FHIT: variants seen among roughly 807,000 people sequenced by gnomAD.
The protein encoded by FHIT is fragile histidine triad diadenosine triphosphatase, also known as bis(5'-adenosyl)-triphosphatase.
In FHIT, 19 loss-of-function variants were observed where a neutral mutation model predicts 17.9. That is an observed-to-expected ratio of 1.06 (90% CI 0.74 to 1.56). The LOEUF is 1.56. Ranked by LOEUF, FHIT falls within the 40% of genes most tolerant of loss-of-function variation. The pLI, the probability that FHIT is intolerant of heterozygous loss-of-function variation, is 0.00. For synonymous variants in FHIT, 81 were observed against 69.7 expected (o/e 1.16, Z -0.81); for missense variants, 248 against 189.2 (o/e 1.31, Z -1.82).
At chr3:60,536,807 T>G (rs1576833593) in intron 5 of FHIT, 53 bp downstream of exon 5, 14 of 1,538,242 alleles carry the variant, frequency 9.1e-6, no homozygotes, top group Non-Finnish European at 1.7e-6. Context: ...ATTTGGCTGG[T>G]TAGGCTCAGA....
At position 60,952,017 on chromosome 3, in the gene FHIT, T is replaced by C. The variant is rs555964715; in HGVS notation, c.-111+90030A>G. On this transcript the variant is annotated intron_variant, in intron 3 of 9. Coordinates refer to ENST00000492590, the MANE Select transcript of FHIT (RefSeq NM_002012.4). The stretch of plus-strand genomic sequence containing the variant: ...CCCATCTCTACTAAAAATACAAAAA[T>C]TAGCTGGGCATGGTGGCGGGCACCT... Among the ~76,000 whole-genome samples the C allele has an allele frequency of 2.6e-5, 4 of 151,884 alleles. No homozygotes were observed. In the South Asian group the frequency reaches 8.3e-4, roughly 32 times the overall value.
chr3:60,595,349 T>G (rs2038228686), intron 4 of FHIT, among the ~76,000 whole-genome samples: 1 of 149,684 alleles, frequency 6.7e-6, no homozygotes, highest in Non-Finnish European at 1.5e-5. Context: ...TTGTACAGGA[T>G]TAAGCCTGAG....
At chr3:60,696,798 G>A (rs935760418) in intron 4 of FHIT, among the ~76,000 whole-genome samples, 3 of 152,086 alleles carry the variant, frequency 2.0e-5, no homozygotes, top group African/African-American at 7.2e-5. Flanking sequence ...TAAACATTAC[G>A]ACCTTAGGTT....
At chr3:60,347,768 T>G (rs1710867091) in intron 5 of FHIT, among the ~76,000 whole-genome samples, 1 of 151,774 alleles carries the variant, frequency 6.6e-6, no homozygotes, top group Non-Finnish European at 1.5e-5. Context: ...ATCTTTTCAT[T>G]TTTTTTTGAG....
intron 4 of FHIT, among the ~76,000 whole-genome samples, chr3:60,584,518 G>A (rs1236446876): frequency 6.6e-6 from 1 of 151,964 alleles, no homozygotes; most frequent in African/African-American, 2.4e-5. Flanking sequence ...GATCATCCTT[G>A]AGTTACTACT....
chr3:60,705,161 T>G (rs1553703184), intron 4 of FHIT, among the ~76,000 whole-genome samples: 1 of 152,192 alleles, frequency 6.6e-6, no homozygotes, highest in East Asian at 1.9e-4. Context: ...CTTTATATTT[T>G]TACACTGCAT....
chr3:60,997,509 G>T (rs1031425890), intron 3 of FHIT, among the ~76,000 whole-genome samples: 1 of 152,106 alleles, frequency 6.6e-6, no homozygotes, highest in East Asian at 1.9e-4. Flanking sequence ...AGTGTTGAGG[G>T]GGGTGTGGAT....
At chr3:60,793,296 C>T (rs1371278442) in intron 4 of FHIT, among the ~76,000 whole-genome samples, 1 of 151,386 alleles carries the variant, frequency 6.6e-6, no homozygotes, top group Non-Finnish European at 1.5e-5. Flanking sequence ...CAAGTGATTT[C>T]TTTTTCTTTT....
intron 5 of FHIT, among the ~76,000 whole-genome samples, chr3:60,324,883 T>C (rs975911907): frequency 1.3e-5 from 2 of 152,150 alleles, no homozygotes; most frequent in Non-Finnish European, 2.9e-5. Flanking sequence ...CTTCAACAGA[T>C]TCAAATCTTT....
chr3:60,726,495 A>T (rs1271876049), intron 4 of FHIT, among the ~76,000 whole-genome samples: 1 of 152,184 alleles, frequency 6.6e-6, no homozygotes, highest in African/African-American at 2.4e-5. Context: ...GTGTTTTCCC[A>T]GATGGGTAGT....
intron 5 of FHIT, among the ~76,000 whole-genome samples, chr3:60,310,099 CTTTA>C: frequency 6.6e-6 from 1 of 152,178 alleles, no homozygotes; most frequent in South Asian, 2.1e-4. Flanking sequence ...CAAAGGCAAC[CTTTA>C]TTTACTTCTC....
intron 5 of FHIT, among the ~76,000 whole-genome samples, chr3:60,201,951 C>G (rs1344690137): frequency 6.6e-6 from 1 of 152,124 alleles, no homozygotes; most frequent in African/African-American, 2.4e-5. Flanking sequence ...CCAGTAAGTT[C>G]TCCATAGCAA....
intron 3 of FHIT, among the ~76,000 whole-genome samples, chr3:60,834,109 G>C (rs537855197): frequency 1.3e-5 from 2 of 152,278 alleles, no homozygotes; most frequent in South Asian, 4.1e-4. Context: ...ATGGGCTTTG[G>C]TGTGAACATA....
chr3:61,022,257 A>G (rs2032485218), intron 3 of FHIT, among the ~76,000 whole-genome samples: 1 of 152,210 alleles, frequency 6.6e-6, no homozygotes, highest in African/African-American at 2.4e-5. Context: ...AAATGGATAA[A>G]TTCCTGGACA....
At chr3:60,999,613 G>A (rs2030923703) in intron 3 of FHIT, among the ~76,000 whole-genome samples, 1 of 151,678 alleles carries the variant, frequency 6.6e-6, no homozygotes, top group African/African-American at 2.4e-5. Context: ...GGTAGGTTAA[G>A]GTCCTGGGAA....
At chr3:60,349,784 G>T (rs1331476490) in intron 5 of FHIT, among the ~76,000 whole-genome samples, 1 of 152,168 alleles carries the variant, frequency 6.6e-6, no homozygotes, top group Non-Finnish European at 1.5e-5. Flanking sequence ...TGGAAAGCCA[G>T]TTCCATTGCT....
chr3:60,986,819 G>A (rs1710738508), intron 3 of FHIT, among the ~76,000 whole-genome samples: 4 of 152,150 alleles, frequency 2.6e-5, no homozygotes, highest in African/African-American at 9.7e-5. Context: ...GCAACGTTCT[G>A]AGTTCTCTGT....
rs551879191 is a variant in FHIT at position 60,290,763 on chromosome 3, C to T, written c.103+246097G>A. 4.9e-4 allele frequency among the ~76,000 whole-genome samples: 75 copies of T among 152,126 alleles called. 1 individual carries two copies. In the South Asian group the frequency reaches 0.011, roughly 21 times the overall value. ...GGTTTTGCCTGTTTGGAAGTTGGAA[C>T]TCATTTCCCTAGAGATAAAATGGCA... is the stretch of plus-strand genomic sequence containing the variant. On this transcript the variant is annotated intron_variant, in intron 5 of 9. Coordinates refer to ENST00000492590, the MANE Select transcript of FHIT (RefSeq NM_002012.4).
intron 5 of FHIT, among the ~76,000 whole-genome samples, chr3:60,145,383 C>T (rs1019986593): frequency 5.9e-5 from 9 of 152,072 alleles, no homozygotes; most frequent in African/African-American, 1.4e-4. Context: ...TCTACAGTGG[C>T]GTGGGGGGCA....
Sources: gnomAD v4.1 joint callset for allele counts (sites outside exome capture counted in the v4.1 genomes callset) on GRCh38, gnomAD v4.1.1 for gene constraint, MANE v1.5 for transcripts, NCBI Gene and HGNC (gene_info 2026-07-23, HGNC 2026-07-21) for gene names.